NRXN1: variants seen among roughly 807,000 people sequenced by gnomAD.
The protein encoded by NRXN1 is neurexin-1.
A neutral mutation model predicts 150.9 loss-of-function variants in NRXN1; 39 were observed. The observed-to-expected ratio is 0.26, with a 90% CI of 0.20 to 0.34. The LOEUF is 0.34. Ranked by LOEUF, NRXN1 falls within the 10% of genes least tolerant of loss-of-function variation. The probability of loss-of-function intolerance (pLI) is 1.00; values close to 1 mark genes in which losing one functional copy is unlikely to be tolerated. For missense variants in NRXN1, 1,815 were observed against 1,949.9 expected (o/e 0.93, Z 1.30); for synonymous variants, 924 against 757.0 (o/e 1.22, Z -3.62).
intron 5 of NRXN1, among the ~76,000 whole-genome samples, chr2:50,836,663 A>C (rs913254859): frequency 6.6e-6 from 1 of 152,078 alleles, no homozygotes; most frequent in Non-Finnish European, 1.5e-5. Flanking sequence ...TCCCCTTTTA[A>C]GGCTGAATAG....
chr2:50,191,548 C>A (rs2061444493), intron 18 of NRXN1, among the ~76,000 whole-genome samples: 1 of 152,128 alleles, frequency 6.6e-6, no homozygotes, highest in Non-Finnish European at 1.5e-5. Flanking sequence ...TCATAAGGAT[C>A]CCTCTTGCTA....
At chr2:50,656,431 C>T (rs1429712326) in intron 5 of NRXN1, 2 of 768,560 alleles carry the variant, frequency 2.6e-6, no homozygotes, top group Non-Finnish European at 4.8e-6. Context: ...TTATAAAGTT[C>T]TAGAAGTATC....
intron 21 of NRXN1, among the ~76,000 whole-genome samples, chr2:50,026,854 CTTTTCTTTTTTT>C (rs1688374281): frequency 4.1e-5 from 2 of 49,132 alleles, no homozygotes; most frequent in Admixed American, 2.7e-4. Flanking sequence ...TAAGTCTTTT[CTTTTCTTTTTTT>C]TTTTTTTTTT....
chr2:50,717,358 G>T (rs1695999301), intron 5 of NRXN1, among the ~76,000 whole-genome samples: 1 of 152,008 alleles, frequency 6.6e-6, no homozygotes, highest in Admixed American at 6.6e-5. Flanking sequence ...CCAAAAGCTT[G>T]TCCCCATTGA....
chr2:50,245,749 GT>G (rs200546101), intron 17 of NRXN1, among the ~76,000 whole-genome samples: 17 of 150,332 alleles, frequency 1.1e-4, no homozygotes, highest in African/African-American at 2.4e-4. Context: ...AAAATGTCCA[GT>G]TTAAAAAAAA....
chr2:50,728,803 G>A (rs1419889562), intron 5 of NRXN1, among the ~76,000 whole-genome samples: 2 of 152,112 alleles, frequency 1.3e-5, no homozygotes, highest in African/African-American at 4.8e-5. Context: ...TAAATAAGCA[G>A]TATTTTATTT....
chr2:50,591,431 G>C (rs1674219392), intron 8 of NRXN1, among the ~76,000 whole-genome samples: 1 of 146,568 alleles, frequency 6.8e-6, no homozygotes, highest in African/African-American at 2.5e-5. Context: ...TAGATAGATA[G>C]ATAGATAGAT....
At position 49,918,660 on chromosome 2, in the gene NRXN1, T is replaced by C. The variant is rs969500919; in HGVS notation, c.*3284A>G. 2 of 152,062 alleles carry C rather than the reference T, an allele frequency of 1.3e-5. No individual in the cohort carries two copies. The highest frequency in any genetic ancestry group is 2.9e-5 in the Non-Finnish European group (2 of 67,948). 9.4% of individuals were successfully genotyped at this position (152,062 alleles called of 1,614,324 possible). The stretch of plus-strand genomic sequence containing the variant: ...TCTGGCATATCAAGATGAACAAATA[T>C]AACAAAAGTACATTTAATGGCTACA... On this transcript the variant is annotated 3_prime_UTR_variant, in exon 23 of 23. Coordinates refer to ENST00000401669, the MANE Select transcript of NRXN1 (RefSeq NM_001330078.2).
chr2:50,272,306 A>T (rs2069794547), intron 17 of NRXN1, among the ~76,000 whole-genome samples: 1 of 152,190 alleles, frequency 6.6e-6, no homozygotes, highest in East Asian at 1.9e-4. Context: ...GCAAGTGGAG[A>T]CAGCCACAGG....
chr2:50,422,110 T>C (rs2084044602), intron 17 of NRXN1, among the ~76,000 whole-genome samples: 1 of 152,178 alleles, frequency 6.6e-6, no homozygotes, highest in African/African-American at 2.4e-5. Context: ...ACAAGAAATA[T>C]CATGTTAAAC....
chr2:50,643,216 A>G (rs932937744), intron 5 of NRXN1, among the ~76,000 whole-genome samples: 1 of 151,994 alleles, frequency 6.6e-6, no homozygotes, highest in African/African-American at 2.4e-5. Context: ...ATCACAAGAG[A>G]CAAACTGCCA....
chr2:50,191,313 C>T (rs2061430293), intron 18 of NRXN1, among the ~76,000 whole-genome samples: 1 of 151,498 alleles, frequency 6.6e-6, no homozygotes, highest in Non-Finnish European at 1.5e-5. Flanking sequence ...GTTTTGGGAA[C>T]ACAGGTGTGA....
chr2:50,738,003 G>T (rs974463697), intron 5 of NRXN1, among the ~76,000 whole-genome samples: 1 of 152,066 alleles, frequency 6.6e-6, no homozygotes, highest in Non-Finnish European at 1.5e-5. Flanking sequence ...GAAAGCAAAT[G>T]TTCTCCAAAT....
chr2:50,629,359 C>T (rs1681809808), intron 5 of NRXN1, among the ~76,000 whole-genome samples: 1 of 151,348 alleles, frequency 6.6e-6, no homozygotes, highest in Non-Finnish European at 1.5e-5. Flanking sequence ...AAAAAAAATG[C>T]CTGACACAAA....
intron 18 of NRXN1, among the ~76,000 whole-genome samples, chr2:50,182,440 C>G (rs538751874): frequency 2.6e-5 from 4 of 152,112 alleles, no homozygotes; most frequent in African/African-American, 9.6e-5. Context: ...ATTTTTCTTC[C>G]ATATTTTTCC....
At chr2:50,169,138 A>T (rs1371179820) in intron 18 of NRXN1, among the ~76,000 whole-genome samples, 1 of 152,178 alleles carries the variant, frequency 6.6e-6, no homozygotes, top group Non-Finnish European at 1.5e-5. Context: ...TGTTGGGTGG[A>T]AGCTATTATT....
At chr2:50,496,474 T>C (rs1188351792) in intron 14 of NRXN1, among the ~76,000 whole-genome samples, 1 of 152,192 alleles carries the variant, frequency 6.6e-6, no homozygotes, top group African/African-American at 2.4e-5. Context: ...TCTATCTCGA[T>C]TCCCTGTTTG....
At chr2:50,973,644 A>T (rs530098148) in intron 2 of NRXN1, among the ~76,000 whole-genome samples, 2 of 152,144 alleles carry the variant, frequency 1.3e-5, no homozygotes, top group Non-Finnish European at 2.9e-5. Flanking sequence ...ACAAATAAAA[A>T]CAATGGTGCT....
chr2:50,916,322 T>C (rs886382253), intron 5 of NRXN1, among the ~76,000 whole-genome samples: 1 of 151,282 alleles, frequency 6.6e-6, no homozygotes, highest in African/African-American at 2.4e-5. Flanking sequence ...TCTCTAATAT[T>C]CTTCTCTGCT....
Sources: allele counts gnomAD v4.1 joint callset (sites outside exome capture counted in the v4.1 genomes callset), GRCh38; gene constraint gnomAD v4.1.1; transcripts MANE v1.5; gene names NCBI Gene and HGNC (gene_info 2026-07-23, HGNC 2026-07-21).